ZNF98: variants seen among roughly 807,000 people sequenced by gnomAD.
ZNF98 encodes the protein zinc finger protein 98.
A neutral mutation model predicts 12.8 loss-of-function variants in ZNF98; 8 were observed. The ratio of observed to expected loss-of-function variants is 0.63; its 90% confidence interval spans 0.37 to 1.13. The LOEUF is 1.13. ZNF98 is among the 50% of genes most tolerant of loss of function. ZNF98 has a pLI of 0.01. For missense variants in ZNF98, 379 were observed against 666.1 expected, an observed-to-expected ratio of 0.57 and a Z score of 4.74; for synonymous variants, 112 against 223.5, an observed-to-expected ratio of 0.50 and a Z score of 4.45.
intron 2 of ZNF98, 67 bp from the exon 3 acceptor site, chr19:22,402,951 G>A (rs1969475965): frequency 4.8e-6 from 7 of 1,455,820 alleles, no homozygotes; most frequent in Non-Finnish European, 5.5e-6. Flanking sequence ...AGTGTGTTCA[G>A]TAAAAAGGAT....
chr19:22,421,768 G>A (rs1029611262), intron 1 of ZNF98, among the ~76,000 whole-genome samples: 19 of 152,044 alleles, frequency 1.2e-4, no homozygotes, highest in Admixed American at 2.0e-4. Flanking sequence ...AAGTACTGTC[G>A]CGATAATTCC....
At chr19:22,400,333 T>A (rs905260015) in intron 3 of ZNF98, among the ~76,000 whole-genome samples, 20 of 152,174 alleles carry the variant, frequency 1.3e-4, no homozygotes, top group Non-Finnish European at 2.1e-4. Flanking sequence ...CACAGTGACC[T>A]TGGGAAATCC....
At chr19:22,406,200 CTA>C (rs1486089101) in intron 1 of ZNF98, among the ~76,000 whole-genome samples, 3 of 152,114 alleles carry the variant, frequency 2.0e-5, no homozygotes, top group African/African-American at 7.2e-5. Flanking sequence ...GTCAGACACT[CTA>C]TACAGGAGTG....
intron 1 of ZNF98, among the ~76,000 whole-genome samples, chr19:22,418,171 T>C (rs1382754667): frequency 1.3e-5 from 2 of 152,156 alleles, no homozygotes; most frequent in African/African-American, 4.8e-5. Context: ...TTTCACAATA[T>C]TGTCCTAATT....
At chr19:22,407,382 C>G (rs1969531831) in intron 1 of ZNF98, among the ~76,000 whole-genome samples, 1 of 145,544 alleles carries the variant, frequency 6.9e-6, no homozygotes, top group Admixed American at 6.9e-5. Flanking sequence ...TTTCAAAAAA[C>G]AGCTCCTGAA....
intron 1 of ZNF98, among the ~76,000 whole-genome samples, chr19:22,410,788 G>T (rs1969572484): frequency 6.6e-6 from 1 of 152,140 alleles, no homozygotes; most frequent in Admixed American, 6.5e-5. Context: ...TATGGAAAGG[G>T]TCCATGAGTG....
intron 1 of ZNF98, among the ~76,000 whole-genome samples, chr19:22,412,785 G>GCTCA (rs1969593639): frequency 6.6e-6 from 1 of 152,160 alleles, no homozygotes; most frequent in Non-Finnish European, 1.5e-5. Flanking sequence ...GGGCGCAGTG[G>GCTCA]CTCACACCTG....
chr19:22,396,353 G>C (rs1319887784), intron 3 of ZNF98, among the ~76,000 whole-genome samples: 3 of 151,854 alleles, frequency 2.0e-5, no homozygotes, highest in Non-Finnish European at 1.5e-5. Context: ...AAGTTTTATG[G>C]AACCCCCAAG....
At chr19:22,406,006 A>G (rs968409934) in intron 1 of ZNF98, among the ~76,000 whole-genome samples, 1 of 152,150 alleles carries the variant, frequency 6.6e-6, no homozygotes, top group Non-Finnish European at 1.5e-5. Flanking sequence ...AAGTGATTGC[A>G]GTCTCTGTGG....
At chr19:22,399,076 C>A (rs1016594123) in intron 3 of ZNF98, among the ~76,000 whole-genome samples, 13 of 152,032 alleles carry the variant, frequency 8.6e-5, no homozygotes, top group African/African-American at 1.7e-4. Flanking sequence ...CCAAAAAACA[C>A]AATAAACTTA....
intron 3 of ZNF98, among the ~76,000 whole-genome samples, chr19:22,397,127 A>G (rs963765208): frequency 1.7e-5 from 1 of 57,198 alleles, no homozygotes; most frequent in African/African-American, 3.5e-5. Context: ...TCAAAAAAAA[A>G]CAACAAAAAA....
intron 1 of ZNF98, among the ~76,000 whole-genome samples, chr19:22,413,011 C>A (rs1969596547): frequency 6.6e-6 from 1 of 151,904 alleles, no homozygotes; most frequent in South Asian, 2.1e-4. Flanking sequence ...CGAGATTGCA[C>A]CACTGCACTC....
chr19:22,397,811 G>A (rs2957833), intron 3 of ZNF98, among the ~76,000 whole-genome samples: 87,723 of 100,112 alleles, frequency 0.88, 38,906 homozygotes, highest in African/African-American at 0.95. Context: ...TACATACAAT[G>A]AAGTACCCAA....
At position 22,402,784 on chromosome 19, in the gene ZNF98, C is replaced by T. The variant is rs765623362; in HGVS notation, c.253+5G>A. 4 of 1,582,168 alleles carry T rather than the reference C, an allele frequency of 2.5e-6. No homozygotes were observed. In the South Asian group the frequency reaches 3.5e-5, roughly 14 times the overall value. On this transcript the variant is annotated splice_donor_5th_base_variant and intron_variant, in intron 3 of 3. Coordinates refer to ENST00000357774, the MANE Select transcript of ZNF98 (RefSeq NM_001098626.2). Reference sequence around the variant, plus strand: ...TCTGTTGTATTCACTTTCACTCTCACCTACCTGGGGGTTCAGTTACCATCT... The same window carrying T: ...TCTGTTGTATTCACTTTCACTCTCATCTACCTGGGGGTTCAGTTACCATCT...
intron 3 of ZNF98, among the ~76,000 whole-genome samples, chr19:22,397,312 T>C (rs1208770297): frequency 6.6e-6 from 1 of 151,824 alleles, no homozygotes; most frequent in Non-Finnish European, 1.5e-5. Context: ...AACATAATTA[T>C]AGTAGGATAT....
At chr19:22,410,700 C>T (rs1035922711) in intron 1 of ZNF98, among the ~76,000 whole-genome samples, 4 of 152,174 alleles carry the variant, frequency 2.6e-5, no homozygotes, top group Non-Finnish European at 4.4e-5. Flanking sequence ...ATTAACTAAG[C>T]ACTGCCTCTC....
In ZNF98 at chr19:22,402,939, G is replaced by A. The variant is rs1251307636; in HGVS notation, c.158-55C>T. 4.6e-6 allele frequency: 7 copies of A among 1,505,406 alleles called. No homozygotes were observed. The Admixed American group carries it at 1.3e-4, about 29-fold the overall frequency. The allele number at this position is 1,505,406 out of a possible 1,614,324, so 93.3% of individuals were successfully genotyped here. On this transcript the variant is annotated intron_variant, in intron 2 of 3. Transcript: ENST00000357774. ...CTCATATTCTCCAATTACCAATTTA[G>A]TAGTGTGTTCAGTAAAAAGGATGTA...
intron 3 of ZNF98, chr19:22,402,548 T>C: frequency 2.1e-6 from 1 of 469,238 alleles, no homozygotes; most frequent in Non-Finnish European, 3.7e-6. Context: ...AGGGCTGTCT[T>C]GGCTGTCACT....
At chr19:22,419,055 A>C (rs1425802373) in intron 1 of ZNF98, among the ~76,000 whole-genome samples, 2 of 152,126 alleles carry the variant, frequency 1.3e-5, no homozygotes, top group East Asian at 1.9e-4. Context: ...GTAAAACATT[A>C]ATCTAGAATC....
Sources: gnomAD v4.1 joint callset for allele counts (sites outside exome capture counted in the v4.1 genomes callset) on GRCh38, gnomAD v4.1.1 for gene constraint, MANE v1.5 for transcripts, NCBI Gene and HGNC (gene_info 2026-07-23, HGNC 2026-07-21) for gene names.